PRRC2B: variants seen among roughly 807,000 people sequenced by gnomAD.
PRRC2B encodes protein PRRC2B.
PRRC2B carries 68 observed loss-of-function variants against 242.3 expected under a neutral mutation model. That is an observed-to-expected ratio of 0.28 (90% CI 0.23 to 0.34). The LOEUF is 0.34. Ranked by LOEUF, PRRC2B falls within the 10% of genes least tolerant of loss-of-function variation. The pLI is 1.00. For synonymous variants in PRRC2B, 1,228 were observed against 1,173.6 expected (o/e 1.05, Z -0.95); for missense variants, 2,835 against 2,954.8 (o/e 0.96, Z 0.94).
intron 28 of PRRC2B, chr9:131,490,751 C>G (rs1388612410): frequency 2.7e-6 from 1 of 374,814 alleles, no homozygotes; most frequent in African/African-American, 2.1e-5. Flanking sequence ...TTGTTTTTAC[C>G]ACCACTTGAT....
In PRRC2B at chr9:131,494,434, C is replaced by G; in HGVS notation, c.6503C>G (p.Pro2168Arg). 1 of 1,605,828 alleles carries G rather than the reference C, an allele frequency of 6.2e-7. No homozygotes were observed. Among genetic ancestry groups the G allele is most frequent in the Non-Finnish European group, 8.5e-7 (1 of 1,175,536 alleles). Residue 2168 changes from proline (P) to arginine (R), a missense_variant, in exon 31 of 32, where the codon CCC (proline) becomes CGC (arginine). Coordinates refer to ENST00000683519, the MANE Select transcript of PRRC2B (RefSeq NM_013318.4). The surrounding 1 kb of genome is among the most constrained non-coding windows in gnomAD (Gnocchi z 4.3). ...AGCTCTGCTAGCCCCAGTGGGAAGCCCTCTGGATCAGCAGTTAACATGGGC... is the reference window on the plus strand; with the variant it reads ...AGCTCTGCTAGCCCCAGTGGGAAGCGCTCTGGATCAGCAGTTAACATGGGC... Reference protein sequence around the residue: ...RPSSASPSGKPSGSAVNMGSV... With the variant: ...RPSSASPSGKRSGSAVNMGSV...
rs1004803538 is a variant in PRRC2B at position 131,470,960 on chromosome 9, A to G, written c.2084A>G (p.Tyr695Cys). The change falls in exon 14 of 32, where the codon TAC becomes TGC. Residue 695 changes from tyrosine to cysteine, a missense_variant. Tyr to Cys is a radical substitution (Grantham distance 194). This residue lies in a region of PRRC2B where 1,536 missense variants were observed against 1,483.1 expected (regional missense o/e 1.04). Coordinates refer to ENST00000683519, the MANE Select transcript of PRRC2B (RefSeq NM_013318.4). ...ITPTRTPVDF[Y>C]PSALHPSGLM... Reference sequence around the variant, plus strand: ...CCCACTCGGACCCCGGTGGACTTCTACCCCTCCGCCCTGCATCCCTCAGGT... The same window carrying G: ...CCCACTCGGACCCCGGTGGACTTCTGCCCCTCCGCCCTGCATCCCTCAGGT... 8 of 1,608,922 alleles carry G rather than the reference A, an allele frequency of 5.0e-6. No homozygotes were observed. In the South Asian group the frequency reaches 6.6e-5, roughly 13 times the overall value.
intron 9 of PRRC2B, among the ~76,000 whole-genome samples, chr9:131,449,615 G>C (rs1290111438): frequency 6.6e-6 from 1 of 152,190 alleles, no homozygotes; most frequent in Non-Finnish European, 1.5e-5. Flanking sequence ...AAAAAATTGA[G>C]TGGTAGGGTA....
Position 131,488,132 on chromosome 9 carries a change from C to T in PRRC2B, c.6225+36C>T, listed in dbSNP as rs1363247919. 2.5e-6 allele frequency: 4 copies of T among 1,588,966 alleles called. No homozygotes were observed. The South Asian group carries it at 3.4e-5, about 13-fold the overall frequency. On this transcript the variant is annotated intron_variant, in intron 28 of 31. Transcript: ENST00000683519. ...CAGTCACTCTACCCAAAGCCCTAGG[C>T]TTCTTTCCTTCACGACCTTGCCTTT...
chr9:131,451,751 T>G (rs1332002912), intron 9 of PRRC2B, among the ~76,000 whole-genome samples: 2 of 152,218 alleles, frequency 1.3e-5, no homozygotes, highest in Non-Finnish European at 2.9e-5. Flanking sequence ...GTGTCTAGTT[T>G]GCTGAGCCTT....
Position 131,446,434 on chromosome 9 carries a change from A to G in PRRC2B, c.647A>G (p.His216Arg). ...VTSWREGGGR[H>R]IISATSLSTS... ...AGCTGGAGGGAGGGCGGTGGGCGAC[A>G]CATAATTTCTGCCACGTCTCTGAGC... The change falls in exon 7 of 32, where the codon CAC becomes CGC. Residue 216 changes from histidine (H) to arginine (R), a missense_variant. Around this residue, in one of 7 missense-constraint regions of PRRC2B, gnomAD observed 626 missense variants for 685.5 expected, o/e 0.91. Transcript: ENST00000683519. This position sits in a 1 kb window ranked among gnomAD's most constrained non-coding sequence, Gnocchi z 4.1. 6.2e-7 allele frequency: 1 copy of G among 1,613,710 alleles called. No homozygotes were observed. The highest frequency in any genetic ancestry group is 1.1e-5 in the South Asian group (1 of 91,066).
intron 1 of PRRC2B, among the ~76,000 whole-genome samples, chr9:131,387,313 C>G (rs1270764627): frequency 2.0e-5 from 3 of 150,196 alleles, no homozygotes; most frequent in Non-Finnish European, 4.4e-5. Context: ...CTGTCTCTCT[C>G]TCTCTTAGTT....
chr9:131,426,350 AAAAAAAAAAAG>A (rs1251531261), intron 1 of PRRC2B, among the ~76,000 whole-genome samples: 4 of 151,032 alleles, frequency 2.6e-5, no homozygotes, highest in South Asian at 2.1e-4. Flanking sequence ...AAAAAAAAAA[AAAAAAAAAAAG>A]AAAAAGAAAA....
chr9:131,478,411 T>G, intron 17 of PRRC2B, 63 bp from the exon 18 acceptor site: 1 of 1,509,676 alleles, frequency 6.6e-7, no homozygotes, highest in Non-Finnish European at 9.2e-7. Flanking sequence ...GCCTGTTGAA[T>G]TGGGTTGTTC....
chr9:131,489,296 C>T (rs975273124), intron 28 of PRRC2B, among the ~76,000 whole-genome samples: 1 of 150,840 alleles, frequency 6.6e-6, no homozygotes, highest in African/African-American at 2.4e-5. Context: ...AAGCAATTAT[C>T]GTGCCTCAGC....
At chr9:131,404,518 G>A (rs1350941284) in intron 1 of PRRC2B, among the ~76,000 whole-genome samples, 1 of 151,876 alleles carries the variant, frequency 6.6e-6, no homozygotes, top group Non-Finnish European at 1.5e-5. Flanking sequence ...CACTGCACCC[G>A]GCCCCCAGTT....
chr9:131,449,541 T>C (rs147206741), intron 9 of PRRC2B, among the ~76,000 whole-genome samples: 1 of 152,364 alleles, frequency 6.6e-6, no homozygotes, highest in Non-Finnish European at 1.5e-5. Context: ...CTAATGATGA[T>C]AAACACACTT....
intron 8 of PRRC2B, 120 bp from the exon 9 acceptor site, chr9:131,447,542 T>C: frequency 9.4e-7 from 1 of 1,059,644 alleles, no homozygotes; most frequent in Non-Finnish European, 1.3e-6. Flanking sequence ...TTAAAGGAAC[T>C]GATAGAAATA....
In PRRC2B at chr9:131,475,333, C is replaced by T. The variant is rs1943658652; in HGVS notation, c.3204C>T (p.Gly1068=). The change falls in exon 16 of 32, where the codon GGC becomes GGT. Residue 1068 remains glycine, a synonymous_variant. Transcript: ENST00000683519. ...FGVRGQARGR[G]RGFREFTFRG... ...TCAGAGGACAGGCCCGGGGCCGGGG[C>T]CGTGGTTTCAGAGAGTTCACTTTTC... The T allele has an allele frequency of 1.3e-6, 2 of 1,592,636 alleles. No individual in the cohort carries two copies. The highest frequency in any genetic ancestry group is 1.7e-6 in the Non-Finnish European group (2 of 1,170,292).
Position 131,488,182 on chromosome 9 carries a change from T to C in PRRC2B, c.6225+86T>C, listed in dbSNP as rs1588282387. ...TTCTTTTCACCCGCCTCTCAGTGTG[T>C]GCTGGCCTATCGTGCTGTTGGTTGG... On this transcript the variant is annotated intron_variant, in intron 28 of 31. Transcript: ENST00000683519. 17 of 1,498,536 alleles carry C rather than the reference T, an allele frequency of 1.1e-5. No individual in the cohort carries two copies. The East Asian group carries it at 2.2e-4, about 19-fold the overall frequency. 92.8% of individuals were successfully genotyped at this position (1,498,536 alleles called of 1,614,324 possible). A position where few individuals can be genotyped will look rare whatever the true frequency, so the allele number is the denominator to read the frequency against.
chr9:131,465,075 A>G lies in PRRC2B; in HGVS notation c.1717A>G (p.Lys573Glu), dbSNP rs921438235. The part of the protein sequence containing the change: ...SPQENGPAVH[K>E]GSPEFPAQET... ...CCAGGAAAACGGCCCTGCTGTCCAC[A>G]AAGGTAAGAGCTGGGCCGTCTTCCC... The change falls in exon 12 of 32, where the codon AAA becomes GAA. Residue 573 changes from lysine (K) to glutamate (E), a missense_variant. Transcript: ENST00000683519. 3 of 1,612,000 alleles carry G rather than the reference A, an allele frequency of 1.9e-6. No homozygotes were observed. The highest frequency in any genetic ancestry group is 2.5e-6 in the Non-Finnish European group (3 of 1,178,582).
At chr9:131,430,463 T>C (rs1838103644) in intron 2 of PRRC2B, among the ~76,000 whole-genome samples, 1 of 147,282 alleles carries the variant, frequency 6.8e-6, no homozygotes, top group Non-Finnish European at 1.5e-5. Flanking sequence ...TGGAATTTTC[T>C]CCATCTATTA....
chr9:131,382,300 A>G (rs2131264566), intron 1 of PRRC2B, among the ~76,000 whole-genome samples: 2 of 152,274 alleles, frequency 1.3e-5, no homozygotes, highest in Non-Finnish European at 2.9e-5. Context: ...TACAGACGTG[A>G]GCTACCAAGC....
At chr9:131,384,879 G>A (rs1039761440) in intron 1 of PRRC2B, among the ~76,000 whole-genome samples, 3 of 152,198 alleles carry the variant, frequency 2.0e-5, no homozygotes, top group African/African-American at 7.2e-5. Flanking sequence ...CACATTGGCT[G>A]TAACAGGAGT....
Sources: allele counts gnomAD v4.1 joint callset (sites outside exome capture counted in the v4.1 genomes callset), GRCh38; gene constraint gnomAD v4.1.1; regional missense constraint gnomAD v4.1.1; non-coding constraint Gnocchi (gnomAD v3.1); transcripts MANE v1.5; gene names NCBI Gene and HGNC (gene_info 2026-07-23, HGNC 2026-07-21).